Variants in CPQ observed in about 807,000 individuals in gnomAD.
CPQ encodes the protein carboxypeptidase Q, also known as Ser-Met dipeptidase.
CPQ carries 37 observed loss-of-function variants against 45.7 expected under a neutral mutation model. The observed-to-expected ratio is 0.81, with a 90% confidence interval of 0.62 to 1.07. CPQ has a LOEUF of 1.07. Among genes scored for constraint, CPQ ranks in the 50% least tolerant of loss-of-function variants. CPQ has a pLI of 0.00. For synonymous variants in CPQ, 186 were observed against 205.8 expected (o/e 0.90, Z 0.82); for missense variants, 537 against 572.9 (o/e 0.94, Z 0.64).
intron 2 of CPQ, among the ~76,000 whole-genome samples, chr8:96,809,368 A>G (rs1336065076): frequency 6.6e-6 from 1 of 152,228 alleles, no homozygotes; most frequent in African/African-American, 2.4e-5. Flanking sequence ...ATGAGTAAAC[A>G]TGCTGTGATG....
At position 96,818,660 on chromosome 8, in the gene CPQ, T is replaced by C. The variant is rs538821011; in HGVS notation, c.434-16313T>C. On this transcript the variant is annotated intron_variant, in intron 2 of 7. Coordinates refer to ENST00000220763, the MANE Select transcript of CPQ (RefSeq NM_016134.4). ...AAAATCTGAGCTCATTGGCAACCAA[T>C]CAGTAGAAGTAGGGTGGCCACAGAT... is the stretch of plus-strand genomic sequence containing the variant. Among the ~76,000 whole-genome samples, 6 of 152,226 alleles carry C rather than the reference T, an allele frequency of 3.9e-5. No individual in the cohort carries two copies. The East Asian group carries it at 1.2e-3, about 30-fold the overall frequency.
chr8:96,772,041 A>T (rs1196704842), intron 1 of CPQ, among the ~76,000 whole-genome samples: 1 of 152,150 alleles, frequency 6.6e-6, no homozygotes, highest in African/African-American at 2.4e-5. Flanking sequence ...TAGAGGTATG[A>T]GTAGGGTATA....
At chr8:96,703,793 T>C (rs545200348) in intron 1 of CPQ, among the ~76,000 whole-genome samples, 1 of 152,292 alleles carries the variant, frequency 6.6e-6, no homozygotes, top group South Asian at 2.1e-4. Flanking sequence ...TATCCTATAC[T>C]CTGTTTGGCT....
intron 6 of CPQ, among the ~76,000 whole-genome samples, chr8:97,043,093 G>A (rs1341956392): frequency 5.9e-5 from 9 of 152,078 alleles, no homozygotes; most frequent in Non-Finnish European, 1.3e-4. Context: ...GGGTGTTAAA[G>A]TCTCCCATTA....
At chr8:97,094,454 G>T (rs1233916510) in intron 7 of CPQ, among the ~76,000 whole-genome samples, 1 of 152,052 alleles carries the variant, frequency 6.6e-6, no homozygotes, top group Non-Finnish European at 1.5e-5. Context: ...CCCCATCCAT[G>T]CCAGACAGCC....
At chr8:97,115,648 T>G (rs1811573646) in intron 7 of CPQ, among the ~76,000 whole-genome samples, 1 of 152,194 alleles carries the variant, frequency 6.6e-6, no homozygotes, top group Non-Finnish European at 1.5e-5. Context: ...TTGATTTCCT[T>G]TGGGCATGGC....
At chr8:96,686,112 C>A (rs1412829125) in intron 1 of CPQ, among the ~76,000 whole-genome samples, 2 of 152,022 alleles carry the variant, frequency 1.3e-5, no homozygotes, top group Non-Finnish European at 2.9e-5. Flanking sequence ...CCAGTTGATT[C>A]TCTTGTGCTG....
chr8:97,060,667 C>T (rs1810535602), intron 6 of CPQ, among the ~76,000 whole-genome samples: 1 of 152,144 alleles, frequency 6.6e-6, no homozygotes, highest in South Asian at 2.1e-4. Context: ...CATTCAGCCT[C>T]TAGAAGTTGG....
chr8:96,869,677 T>TA (rs1161639882), intron 3 of CPQ, among the ~76,000 whole-genome samples: 1 of 152,066 alleles, frequency 6.6e-6, no homozygotes, highest in Non-Finnish European at 1.5e-5. Flanking sequence ...ACTCTAGACT[T>TA]ACAGCATTAG....
At chr8:97,023,046 A>ATATATACAGTATATATACAGTATG (rs1238071207) in intron 5 of CPQ, among the ~76,000 whole-genome samples, 1 of 145,922 alleles carries the variant, frequency 6.9e-6, no homozygotes, top group African/African-American at 2.5e-5. Context: ...TATACAGTAT[A>ATATATACAGTATATATACAGTATG]TATACTGTAT....
intron 1 of CPQ, among the ~76,000 whole-genome samples, chr8:96,655,208 G>A (rs1257992532): frequency 1.3e-5 from 2 of 151,764 alleles, no homozygotes; most frequent in African/African-American, 4.8e-5. Flanking sequence ...GTGAAGATTA[G>A]TTCCCTTGAC....
chr8:97,136,923 A>G (rs1300418577), intron 7 of CPQ, among the ~76,000 whole-genome samples: 1 of 151,834 alleles, frequency 6.6e-6, no homozygotes, highest in East Asian at 1.9e-4. Context: ...AGGTGCTCTC[A>G]GAAATGGAAG....
At chr8:96,770,714 T>A (rs188437013) in intron 1 of CPQ, among the ~76,000 whole-genome samples, 4 of 144,118 alleles carry the variant, frequency 2.8e-5, no homozygotes, top group African/African-American at 7.4e-5. Context: ...ATATATATAT[T>A]ATATATATAT....
intron 4 of CPQ, among the ~76,000 whole-genome samples, chr8:96,917,721 TTCTC>T (rs1812751606): frequency 6.6e-6 from 1 of 152,156 alleles, no homozygotes; most frequent in South Asian, 2.1e-4. Flanking sequence ...CTATAAGTAT[TTCTC>T]TGTGTAATCA....
chr8:96,936,481 A>G (rs1813052261), intron 4 of CPQ, among the ~76,000 whole-genome samples: 1 of 152,216 alleles, frequency 6.6e-6, no homozygotes, highest in African/African-American at 2.4e-5. Context: ...AGAGAGGCCA[A>G]CATTAAACAT....
chr8:96,830,388 A>G (rs372859207), intron 2 of CPQ, among the ~76,000 whole-genome samples: 5 of 152,210 alleles, frequency 3.3e-5, no homozygotes, highest in East Asian at 1.9e-4. Context: ...CAAATTCTCT[A>G]TAGACTACAT....
chr8:96,960,794 TCTTCTA>T (rs1813447478), intron 4 of CPQ, among the ~76,000 whole-genome samples: 1 of 147,356 alleles, frequency 6.8e-6, no homozygotes, highest in Non-Finnish European at 1.5e-5. Flanking sequence ...AGAATCATAA[TCTTCTA>T]CTTCTTTTGT....
intron 2 of CPQ, among the ~76,000 whole-genome samples, chr8:96,818,750 G>A (rs868403308): frequency 2.6e-5 from 4 of 152,208 alleles, no homozygotes; most frequent in African/African-American, 7.2e-5. Flanking sequence ...GTGTCAATAT[G>A]TATTACCCTG....
chr8:97,005,983 T>A (rs1809375039), intron 5 of CPQ, among the ~76,000 whole-genome samples: 1 of 152,146 alleles, frequency 6.6e-6, no homozygotes, highest in Admixed American at 6.6e-5. Context: ...ACCACCAACA[T>A]CCCAGGTATC....
Sources: allele counts gnomAD v4.1 joint callset (sites outside exome capture counted in the v4.1 genomes callset), GRCh38; gene constraint gnomAD v4.1.1; transcripts MANE v1.5; gene names NCBI Gene and HGNC (gene_info 2026-07-23, HGNC 2026-07-21).